The following ATM variants were observed in gnomAD, a reference collection of about 807,000 sequenced individuals.
ATM encodes ATM serine/threonine kinase, also known as serine-protein kinase ATM.
In ATM, 308 loss-of-function variants were observed where a neutral mutation model predicts 387.0. The observed-to-expected ratio is 0.80, with a 90% CI of 0.73 to 0.87. The LOEUF (loss-of-function observed/expected upper bound fraction) is 0.87. Among genes scored for constraint, ATM ranks in the 40% least tolerant of loss-of-function variants. ATM has a pLI of 0.00. For synonymous variants in ATM, 1,156 were observed against 1,187.3 expected (o/e 0.97, Z 0.54); for missense variants, 3,312 against 3,560.9 (o/e 0.93, Z 1.78).
intron 43 of ATM, among the ~76,000 whole-genome samples, chr11:108,318,981 G>A (rs932426973): frequency 2.0e-4 from 30 of 152,008 alleles, no homozygotes; most frequent in Admixed American, 3.3e-4. Flanking sequence ...TTCAAGACAA[G>A]CTTGGGCAAC....
At chr11:108,244,242 T>G in intron 6 of ATM, 124 bp downstream of exon 6, 2 of 1,133,126 alleles carry the variant, frequency 1.8e-6, no homozygotes, top group South Asian at 1.4e-5. Flanking sequence ...ATAACAGAAC[T>G]AGTGGATTCC....
chr11:108,342,014 A>G (rs777693884), intron 56 of ATM, among the ~76,000 whole-genome samples: 6 of 152,184 alleles, frequency 3.9e-5, no homozygotes, highest in Non-Finnish European at 7.3e-5. Context: ...TGCAGGCCAC[A>G]TGCAGCCTAC....
chr11:108,258,857 C>A (rs2080681211), intron 15 of ATM, 129 bp from the exon 16 acceptor site: 2 of 698,890 alleles, frequency 2.9e-6, no homozygotes, highest in South Asian at 1.6e-5. Flanking sequence ...GTTTTTGAAG[C>A]AGCATATATA....
At chr11:108,357,281 C>T (rs111915996) in intron 61 of ATM, among the ~76,000 whole-genome samples, 55 of 149,096 alleles carry the variant, frequency 3.7e-4, no homozygotes, top group South Asian at 6.5e-4. Context: ...CCGCAGCTGG[C>T]TTGGAGGGTC....
In ATM at chr11:108,244,104, T is replaced by G. The variant is rs770270310; in HGVS notation, c.648T>G (p.Ala216=). ...NSKFLDFFSK[A]IQCARQEKSS... Reference sequence around the variant, plus strand: ...AATTTTTGGACTTTTTTTCCAAGGCTATTCAGTGTGCGAGGTAATCTAATC... The same window carrying G: ...AATTTTTGGACTTTTTTTCCAAGGCGATTCAGTGTGCGAGGTAATCTAATC... Residue 216 remains alanine, a synonymous_variant, in exon 6 of 63, where the codon GCT becomes GCG. Transcript: ENST00000675843. 6.2e-7 allele frequency: 1 copy of G among 1,613,880 alleles called. No homozygotes were observed. Among genetic ancestry groups the G allele is most frequent in the Admixed American group, 1.7e-5 (1 of 60,002 alleles).
intron 59 of ATM, among the ~76,000 whole-genome samples, chr11:108,352,011 C>G (rs2089265617): frequency 1.3e-5 from 2 of 152,134 alleles, no homozygotes; most frequent in South Asian, 4.1e-4. Flanking sequence ...GTCTTCTGCC[C>G]TTACCTAGCA....
rs373104386 is a variant in ATM, at chr11:108,365,740, G to A, written c.*232G>A. On this transcript the variant is annotated 3_prime_UTR_variant, in exon 63 of 63. Transcript: ENST00000675843. ...GAAATAATGGTCATTCGGGCTGGGCGCAGCGGCTCACGCCTGTAATCCCAG... is the reference window on the plus strand; with the variant it reads ...GAAATAATGGTCATTCGGGCTGGGCACAGCGGCTCACGCCTGTAATCCCAG... 52 of 585,344 alleles carry A rather than the reference G, an allele frequency of 8.9e-5. No homozygotes were observed. The highest frequency in any genetic ancestry group is 5.0e-4 in the African/African-American group (27 of 53,470). 36.3% of individuals were successfully genotyped at this position (585,344 alleles called of 1,614,324 possible).
intron 56 of ATM, among the ~76,000 whole-genome samples, chr11:108,340,890 G>A (rs952558191): frequency 6.6e-6 from 1 of 152,136 alleles, no homozygotes; most frequent in African/African-American, 2.4e-5. Context: ...TAGTTGTACT[G>A]TATTGGTTTT....
At position 108,365,218 on chromosome 11, in the gene ATM, G is replaced by C. The variant is rs1555151525; in HGVS notation, c.8987G>C (p.Ser2996Thr). The change falls in exon 62 of 63, where the codon AGT (serine) becomes ACT (threonine). Residue 2996 changes from serine (S) to threonine (T), a missense_variant and splice_region_variant. Ser to Thr is a moderately conservative substitution (Grantham distance 58). Coordinates refer to ENST00000675843, the MANE Select transcript of ATM (RefSeq NM_000051.4). The stretch of plus-strand genomic sequence containing the variant: ...GACCAAGAATGCAAACGAAATCTCA[G>C]GTGAGCAGTATTTTAAGAAGGTCCT... ...ADDQECKRNL[S>T]DIDQSFNKVA... 4 of 1,614,146 alleles carry C rather than the reference G, an allele frequency of 2.5e-6. No homozygotes were observed. Among genetic ancestry groups the C allele is most frequent in the Non-Finnish European group, 3.4e-6 (4 of 1,180,032 alleles).
chr11:108,340,399 CACAAT>C (rs1189249253), intron 56 of ATM: 1 of 152,056 alleles, frequency 6.6e-6, no homozygotes, highest in East Asian at 1.9e-4. Context: ...AAACCATTCT[CACAAT>C]ACTGTCATCA....
chr11:108,331,679 C>T (rs1410448104), intron 51 of ATM, 122 bp downstream of exon 51: 4 of 1,352,512 alleles, frequency 3.0e-6, no homozygotes, highest in Non-Finnish European at 3.0e-6. Context: ...TATTTTTTGT[C>T]TTCTCACATC....
chr11:108,356,276 C>A (rs971013099), intron 61 of ATM, among the ~76,000 whole-genome samples: 5 of 152,148 alleles, frequency 3.3e-5, no homozygotes, highest in African/African-American at 1.2e-4. Flanking sequence ...TGGCTCATGC[C>A]TGTAATCCCA....
chr11:108,254,756 A>G (rs573167949), intron 13 of ATM, among the ~76,000 whole-genome samples: 18 of 152,086 alleles, frequency 1.2e-4, no homozygotes, highest in African/African-American at 2.4e-4. Flanking sequence ...AGTTCAAGCA[A>G]TTCTCCTGCC....
intron 17 of ATM, 151 bp downstream of exon 17, chr11:108,267,493 T>G (rs2081323885): frequency 1.7e-6 from 1 of 580,484 alleles, no homozygotes. Context: ...CTTTATTTTT[T>G]TTTTATTTTT....
At chr11:108,282,255 G>A (rs565016400) in intron 24 of ATM, among the ~76,000 whole-genome samples, 119 of 152,032 alleles carry the variant, frequency 7.8e-4, no homozygotes, top group Non-Finnish European at 1.2e-3. Context: ...AGCCTCCCGA[G>A]TAGCTGGGAC....
chr11:108,341,926 G>A (rs1269206352), intron 56 of ATM, among the ~76,000 whole-genome samples: 7 of 152,120 alleles, frequency 4.6e-5, no homozygotes, highest in Non-Finnish European at 7.4e-5. Flanking sequence ...CTGGTTAACC[G>A]AGGTGAAGAT....
At chr11:108,342,950 G>A (rs964119216) in intron 56 of ATM, among the ~76,000 whole-genome samples, 1 of 152,184 alleles carries the variant, frequency 6.6e-6, no homozygotes, top group Admixed American at 6.5e-5. Flanking sequence ...ATGACGGTGA[G>A]TATAGTTAAC....
chr11:108,229,184 A>G lies in ATM; in HGVS notation c.192A>G (p.Leu64=), dbSNP rs587780616. The stretch of plus-strand genomic sequence containing the variant: ...GCATTTTGTTTTCTTGAAGATTTTT[A>G]CAGAAATATATTCAGAAAGAAACAG... The part of the protein sequence containing the change: ...YLNWDAVFRF[L]QKYIQKETEC... Residue 64 remains leucine (L), a synonymous_variant, in exon 4 of 63, where the codon TTA becomes TTG. Coordinates refer to ENST00000675843, the MANE Select transcript of ATM (RefSeq NM_000051.4). 16 of 1,610,750 alleles carry G rather than the reference A, an allele frequency of 9.9e-6. No homozygotes were observed. In the East Asian group the frequency reaches 2.9e-4, roughly 29 times the overall value.
intron 61 of ATM, among the ~76,000 whole-genome samples, chr11:108,363,416 A>C (rs1387634625): frequency 6.6e-6 from 1 of 152,090 alleles, no homozygotes; most frequent in Admixed American, 6.6e-5. Flanking sequence ...CTCTCCTCTA[A>C]GATTTTATGT....
Sources: allele counts gnomAD v4.1 joint callset (sites outside exome capture counted in the v4.1 genomes callset), GRCh38; gene constraint gnomAD v4.1.1; transcripts MANE v1.5; gene names NCBI Gene and HGNC (gene_info 2026-07-23, HGNC 2026-07-21).